The following FAM171B variants were observed in gnomAD, a reference collection of about 807,000 sequenced individuals.
FAM171B encodes protein FAM171B.
In FAM171B, 19 loss-of-function variants were observed where a neutral mutation model predicts 75.6. That is an observed-to-expected ratio of 0.25 (90% CI 0.18 to 0.37). The LOEUF is 0.37. FAM171B is among the 10% of genes least tolerant of loss of function. The probability of loss-of-function intolerance (pLI) is 1.00; values close to 1 mark genes in which losing one functional copy is unlikely to be tolerated. For missense variants in FAM171B, 848 were observed against 982.4 expected (o/e 0.86, Z 1.83); for synonymous variants, 367 against 361.7 (o/e 1.01, Z -0.17).
At chr2:186,718,196 ACTGT>A (rs10549627) in intron 1 of FAM171B, among the ~76,000 whole-genome samples, 67,104 of 151,440 alleles carry the variant, frequency 0.44, 15,153 homozygotes, top group East Asian at 0.73. Flanking sequence ...CCAGTTTCTG[ACTGT>A]CTAAGGCCAT....
intron 3 of FAM171B, among the ~76,000 whole-genome samples, chr2:186,745,641 G>A (rs1029116144): frequency 1.3e-5 from 2 of 152,146 alleles, no homozygotes; most frequent in African/African-American, 4.8e-5. Flanking sequence ...TCCATAACAT[G>A]TTTCATTAGG....
Position 186,694,330 on chromosome 2 carries a change from C to G in FAM171B, c.157C>G (p.Gln53Glu). 1 of 1,613,122 alleles carries G rather than the reference C, an allele frequency of 6.2e-7. No individual in the cohort carries two copies. The highest frequency in any genetic ancestry group is 8.5e-7 in the Non-Finnish European group (1 of 1,179,646). ...QQQQQQQQQQ[Q>E]QQQKQLEEAE... Reference sequence around the variant, plus strand: ...GCAGCAGCAGCAGCAGCAACAACAACAACAACAGCAAAAGCAGCTGGAGGA... The same window carrying G: ...GCAGCAGCAGCAGCAGCAACAACAAGAACAACAGCAAAAGCAGCTGGAGGA... Residue 53 changes from glutamine (Q) to glutamate (E), a missense_variant, in exon 1 of 8, where the codon CAA becomes GAA. Gln to Glu is a conservative substitution (Grantham distance 29). This residue lies in a region of FAM171B where 665 missense variants were observed against 729.0 expected (regional missense o/e 0.91). Transcript: ENST00000304698.
intron 1 of FAM171B, among the ~76,000 whole-genome samples, chr2:186,731,208 G>A (rs1690108438): frequency 6.6e-6 from 1 of 152,122 alleles, no homozygotes; most frequent in Admixed American, 6.5e-5. Context: ...CATATTTAAT[G>A]TGCTTACTTA....
intron 1 of FAM171B, among the ~76,000 whole-genome samples, chr2:186,707,348 A>G (rs901691533): frequency 2.0e-5 from 3 of 152,018 alleles, no homozygotes; most frequent in Admixed American, 2.0e-4. Flanking sequence ...CTTTCTAAAT[A>G]TATTCCTCAT....
At chr2:186,729,485 A>T (rs1195981953) in intron 1 of FAM171B, among the ~76,000 whole-genome samples, 1 of 151,832 alleles carries the variant, frequency 6.6e-6, no homozygotes, top group African/African-American at 2.4e-5. Flanking sequence ...AGGGATATAT[A>T]TTGCTTCTGG....
chr2:186,748,266 C>G (rs886509323), intron 4 of FAM171B, among the ~76,000 whole-genome samples: 1 of 151,892 alleles, frequency 6.6e-6, no homozygotes, highest in Non-Finnish European at 1.5e-5. Flanking sequence ...ACTGAAAATC[C>G]ACTGTTTAAA....
At chr2:186,758,536 T>G (rs557914221) in intron 6 of FAM171B, among the ~76,000 whole-genome samples, 16 of 152,152 alleles carry the variant, frequency 1.1e-4, no homozygotes, top group Middle Eastern at 3.2e-3. Flanking sequence ...CCTATCTCCC[T>G]GAATACATAT....
chr2:186,745,308 C>T (rs1004771817), intron 3 of FAM171B, among the ~76,000 whole-genome samples: 2 of 152,172 alleles, frequency 1.3e-5, no homozygotes, highest in Non-Finnish European at 2.9e-5. Flanking sequence ...GCATCTCTGC[C>T]CCTCACTGGC....
rs1341523439 is a variant in FAM171B, at chr2:186,706,949, A to T, written c.238+12538A>T. Among the ~76,000 whole-genome samples, 7 of 152,098 alleles carry T rather than the reference A, an allele frequency of 4.6e-5. No homozygotes were observed. The East Asian group carries it at 1.3e-3, about 29-fold the overall frequency. ...ATACAGATCATTAAAATATCCTTACATTCTAAAACATGAAAGTGGAAACAA... is the reference window on the plus strand; with the variant it reads ...ATACAGATCATTAAAATATCCTTACTTTCTAAAACATGAAAGTGGAAACAA... On this transcript the variant is annotated intron_variant, in intron 1 of 7. Transcript: ENST00000304698.
chr2:186,752,082 G>A (rs1021170637), intron 5 of FAM171B, among the ~76,000 whole-genome samples: 1 of 152,142 alleles, frequency 6.6e-6, no homozygotes, highest in Non-Finnish European at 1.5e-5. Context: ...GTGCTCTAAC[G>A]TTATACTTTG....
chr2:186,721,249 G>T (rs1392050269), intron 1 of FAM171B, among the ~76,000 whole-genome samples: 1 of 152,078 alleles, frequency 6.6e-6, no homozygotes, highest in East Asian at 1.9e-4. Flanking sequence ...GGCTGGGGTG[G>T]GGCCTGGGAA....
intron 4 of FAM171B, among the ~76,000 whole-genome samples, chr2:186,749,097 A>G (rs1690413756): frequency 6.6e-6 from 1 of 152,212 alleles, no homozygotes. Flanking sequence ...TCTCTGTCCA[A>G]CATGTGGCTG....
chr2:186,743,563 G>A lies in FAM171B; in HGVS notation c.553G>A (p.Gly185Arg). Reference sequence around the variant, plus strand: ...ATTTGAAGACACTGTTTTAATTACTGGAAAATTAGCTGGTAAGTACCATAC... The same window carrying A: ...ATTTGAAGACACTGTTTTAATTACTAGAAAATTAGCTGGTAAGTACCATAC... ...WLFEDTVLIT[G>R]KLADAKSQPS... Residue 185 changes from glycine (G) to arginine (R), a missense_variant, in exon 3 of 8, where the codon GGA (glycine) becomes AGA (arginine). Transcript: ENST00000304698. The A allele has an allele frequency of 1.2e-6, 2 of 1,609,402 alleles. No individual in the cohort carries two copies. The highest frequency in any genetic ancestry group is 8.5e-7 in the Non-Finnish European group (1 of 1,176,232).
intron 1 of FAM171B, among the ~76,000 whole-genome samples, chr2:186,730,533 A>G (rs1690099953): frequency 6.6e-6 from 1 of 152,238 alleles, no homozygotes; most frequent in African/African-American, 2.4e-5. Context: ...TGTATTATGC[A>G]CTAAGTCTAC....
chr2:186,712,429 C>T (rs1689822669), intron 1 of FAM171B, among the ~76,000 whole-genome samples: 1 of 152,110 alleles, frequency 6.6e-6, no homozygotes, highest in African/African-American at 2.4e-5. Context: ...GTCCTCATGC[C>T]TCTCACAGTG....
intron 1 of FAM171B, among the ~76,000 whole-genome samples, chr2:186,700,833 C>A (rs1005167449): frequency 1.3e-5 from 2 of 152,088 alleles, no homozygotes; most frequent in African/African-American, 4.8e-5. Flanking sequence ...AGGAACTTAC[C>A]TCTCTTAAGA....
Position 186,747,111 on chromosome 2 carries a change from T to A in FAM171B, c.585T>A (p.Ser195Arg). ...GKLADAKSQP[S>R]VQFSKALIKL... The stretch of plus-strand genomic sequence containing the variant: ...TTCCAGATGCCAAGTCTCAACCAAG[T>A]GTTCAGTTTTCAAAAGCCTTAATTA... The change falls in exon 4 of 8, where the codon AGT becomes AGA. Residue 195 changes from serine (S) to arginine (R), a missense_variant. By Grantham distance (110) the Ser-to-Arg change is moderately radical. Transcript: ENST00000304698. 1 of 1,595,676 alleles carries A rather than the reference T, an allele frequency of 6.3e-7. No individual in the cohort carries two copies. The highest frequency in any genetic ancestry group is 8.5e-7 in the Non-Finnish European group (1 of 1,172,970).
intron 1 of FAM171B, among the ~76,000 whole-genome samples, chr2:186,723,265 C>T (rs906075794): frequency 2.0e-5 from 3 of 152,148 alleles, no homozygotes; most frequent in Non-Finnish European, 4.4e-5. Flanking sequence ...CCCAAAGGTC[C>T]TTTTGTCTCT....
At chr2:186,734,732 AG>A (rs1040713866) in intron 1 of FAM171B, among the ~76,000 whole-genome samples, 2 of 152,126 alleles carry the variant, frequency 1.3e-5, no homozygotes, top group African/African-American at 4.8e-5. Context: ...AGGGGTGCTG[AG>A]GGGTACCCGC....
Sources: allele counts gnomAD v4.1 joint callset (sites outside exome capture counted in the v4.1 genomes callset), GRCh38; gene constraint gnomAD v4.1.1; regional missense constraint gnomAD v4.1.1; transcripts MANE v1.5; gene names NCBI Gene and HGNC (gene_info 2026-07-23, HGNC 2026-07-21).